Variants in AK3 observed in about 807,000 individuals in gnomAD.
The protein encoded by AK3 is adenylate kinase 3, also known as GTP:AMP phosphotransferase AK3, mitochondrial.
AK3 carries 27 observed loss-of-function variants against 23.7 expected under a neutral mutation model. The ratio of observed to expected loss-of-function variants is 1.14; its 90% CI spans 0.84 to 1.57. The LOEUF is 1.57. Ranked by LOEUF, AK3 falls within the 40% of genes most tolerant of loss-of-function variation. The pLI, the probability that AK3 is intolerant of heterozygous loss-of-function variation, is 0.00. For missense variants in AK3, 406 were observed against 285.6 expected, an observed-to-expected ratio of 1.42 and a Z score of -3.04; for synonymous variants, 159 against 116.0, an observed-to-expected ratio of 1.37 and a Z score of -2.38.
intron 1 of AK3, among the ~76,000 whole-genome samples, chr9:4,725,476 T>C (rs374212345): frequency 2.2e-4 from 33 of 152,020 alleles, no homozygotes; most frequent in African/African-American, 7.2e-4. Flanking sequence ...AGAACATCAT[T>C]AAGAAAGTGA....
At chr9:4,717,916 T>C (rs3847259) in intron 4 of AK3, among the ~76,000 whole-genome samples, 43,362 of 152,152 alleles carry the variant, frequency 0.28, 6,630 homozygotes, top group African/African-American at 0.39. Context: ...ACTGTCGCAC[T>C]GCCAACTCTA....
rs71326128 is a variant in AK3, at chr9:4,735,372, A to AAT, written c.151+5563_151+5564dup. Among the ~76,000 whole-genome samples the AAT allele has an allele frequency of 4.9e-4, 20 of 40,672 alleles. 1 individual carries two copies. Among genetic ancestry groups the AAT allele is most frequent in the South Asian group, 1.2e-3 (1 of 850 alleles). The allele number at this position is 40,672 out of a possible 152,430, so 26.7% of individuals were successfully genotyped here. A position where few individuals can be genotyped will look rare whatever the true frequency, so the allele number is the denominator to read the frequency against. ...ATATAAATATATATATACATATATAAATATATATACATATATAAATATATA... is the reference window on the plus strand; with the variant it reads ...ATATAAATATATATATACATATATAAATATATATATACATATATAAATATATA... On this transcript the variant is annotated intron_variant, in intron 1 of 4. Transcript: ENST00000381809.
chr9:4,716,325 G>C (rs907813724), intron 4 of AK3, among the ~76,000 whole-genome samples: 1 of 152,164 alleles, frequency 6.6e-6, no homozygotes, highest in Admixed American at 6.5e-5. Flanking sequence ...TGGACCAAGG[G>C]CCTAGCACAG....
chr9:4,725,021 C>CTTTT (rs71497550), intron 1 of AK3, among the ~76,000 whole-genome samples: 2 of 67,494 alleles, frequency 3.0e-5, no homozygotes, highest in Non-Finnish European at 4.0e-5. Flanking sequence ...CTACTAAACT[C>CTTTT]TTTTTTTTTT....
chr9:4,741,247 C>T (rs934984255), upstream of AK3: 3 of 765,752 alleles, frequency 3.9e-6, no homozygotes, highest in Admixed American at 4.4e-5. Context: ...GCCCCTGGGG[C>T]CGCCCAGACA....
At chr9:4,736,422 C>G (rs551154094) in intron 1 of AK3, among the ~76,000 whole-genome samples, 19 of 150,166 alleles carry the variant, frequency 1.3e-4, no homozygotes, top group Non-Finnish European at 2.2e-4. Context: ...CATGAAATAT[C>G]CTTTTATATT....
At chr9:4,733,260 G>C (rs1461830637) in intron 1 of AK3, among the ~76,000 whole-genome samples, 3 of 152,084 alleles carry the variant, frequency 2.0e-5, no homozygotes, top group Non-Finnish European at 4.4e-5. Context: ...TTAAAAATGT[G>C]TCAGAACAAA....
At chr9:4,736,363 A>G (rs982393901) in intron 1 of AK3, among the ~76,000 whole-genome samples, 2 of 151,850 alleles carry the variant, frequency 1.3e-5, no homozygotes, top group African/African-American at 4.8e-5. Context: ...AGAGAAGCAT[A>G]GGTAAACATT....
At chr9:4,732,999 C>T (rs746255221) in intron 1 of AK3, among the ~76,000 whole-genome samples, 1 of 151,912 alleles carries the variant, frequency 6.6e-6, no homozygotes, top group African/African-American at 2.4e-5. Flanking sequence ...CAAGCAGAAT[C>T]ATGCCTGGCT....
Position 4,710,615 on chromosome 9 carries a change from G to A in AK3, c.*2361C>T, listed in dbSNP as rs529260528. On this transcript the variant is annotated 3_prime_UTR_variant, in exon 5 of 5. Coordinates refer to ENST00000381809, the MANE Select transcript of AK3 (RefSeq NM_016282.4). ...ATGTGGTACATAAATCTTAATGATGGTCATTACAGAATTATTTTTTTGGGT... is the reference window on the plus strand; with the variant it reads ...ATGTGGTACATAAATCTTAATGATGATCATTACAGAATTATTTTTTTGGGT... 2.4e-4 allele frequency: 37 copies of A among 152,222 alleles called. No individual in the cohort carries two copies. Among genetic ancestry groups the A allele is most frequent in the African/African-American group, 8.7e-4 (36 of 41,532 alleles). 9.4% of individuals were successfully genotyped at this position (152,222 alleles called of 1,614,324 possible). A position where few individuals can be genotyped will look rare whatever the true frequency, so the allele number is the denominator to read the frequency against.
chr9:4,733,333 T>TA (rs56283523), intron 1 of AK3, among the ~76,000 whole-genome samples: 84,002 of 151,262 alleles, frequency 0.56, 25,705 homozygotes, highest in East Asian at 0.8. Flanking sequence ...TCAAGGGCTT[T>TA]AAAAAAAAAC....
At chr9:4,714,432 G>C (rs926391967) in intron 4 of AK3, among the ~76,000 whole-genome samples, 3 of 152,164 alleles carry the variant, frequency 2.0e-5, no homozygotes, top group Admixed American at 1.3e-4. Context: ...TTCTCGGTAA[G>C]AAACATCTGC....
upstream of AK3, chr9:4,741,984 G>A (rs1160612980): frequency 6.6e-6 from 1 of 152,228 alleles, no homozygotes; most frequent in Non-Finnish European, 1.5e-5. Flanking sequence ...CATTTTACAG[G>A]AGAGGAAATC....
chr9:4,713,898 ACCTAC>A (rs1841628678), intron 4 of AK3, among the ~76,000 whole-genome samples: 1 of 5,124 alleles, frequency 2.0e-4, no homozygotes. Flanking sequence ...CCATGCGTAC[ACCTAC>A]GCCTACACAT....
chr9:4,734,801 T>C (rs894419365), intron 1 of AK3, among the ~76,000 whole-genome samples: 3 of 152,212 alleles, frequency 2.0e-5, no homozygotes, highest in Admixed American at 1.3e-4. Flanking sequence ...ATCCATAAAA[T>C]GGAATTGTAT....
rs71326127 is a variant in AK3, at chr9:4,729,015, A to ATATATATTTT, written c.152-6391_152-6390insAAAATATATA. On this transcript the variant is annotated intron_variant, in intron 1 of 4. Transcript: ENST00000381809. ...CACACACACATATATATATATATAT[A>ATATATATTTT]TTTTTTTTTTTTGAGACGGAATTTT... is the stretch of plus-strand genomic sequence containing the variant. 3.0e-4 allele frequency among the ~76,000 whole-genome samples: 39 copies of ATATATATTTT among 129,432 alleles called. No individual in the cohort carries two copies. The East Asian group carries it at 3.6e-3, about 12-fold the overall frequency. The allele number at this position is 129,432 out of a possible 152,430, so 84.9% of individuals were successfully genotyped here. A position where few individuals can be genotyped will look rare whatever the true frequency, so the allele number is the denominator to read the frequency against.
Position 4,719,070 on chromosome 9 carries a change from T to C in AK3, c.444+65A>G, listed in dbSNP as rs1587640561. The C allele has an allele frequency of 1.3e-5, 20 of 1,572,032 alleles. No homozygotes were observed. The East Asian group carries it at 3.1e-4, about 25-fold the overall frequency. The stretch of plus-strand genomic sequence containing the variant: ...AGGATTTCCAAGTTCACTCAACTTA[T>C]GTCTGTTAGGGCAAGAGGACTCAGG... On this transcript the variant is annotated intron_variant, in intron 3 of 4. Transcript: ENST00000381809.
intron 1 of AK3, among the ~76,000 whole-genome samples, chr9:4,726,355 T>C (rs1005679575): frequency 1.3e-5 from 2 of 152,330 alleles, no homozygotes; most frequent in South Asian, 2.1e-4. Flanking sequence ...GTAGAACTTC[T>C]TTCAAAACTG....
chr9:4,728,024 A>G (rs6476902), intron 1 of AK3, among the ~76,000 whole-genome samples: 75,404 of 152,034 alleles, frequency 0.5, 20,080 homozygotes, highest in East Asian at 0.74. Context: ...GGTATAGTTC[A>G]TGGCACCCCA....
Sources: gnomAD v4.1 joint callset for allele counts (sites outside exome capture counted in the v4.1 genomes callset) on GRCh38, gnomAD v4.1.1 for gene constraint, MANE v1.5 for transcripts, NCBI Gene and HGNC (gene_info 2026-07-23, HGNC 2026-07-21) for gene names.